Variants in KDM5A observed in about 807,000 individuals in gnomAD.
KDM5A encodes the protein lysine-specific demethylase 5A.
Under a neutral mutation model 193.5 loss-of-function variants are expected in KDM5A, and 42 were observed. The ratio of observed to expected loss-of-function variants is 0.22; its 90% CI spans 0.17 to 0.28. KDM5A has a LOEUF of 0.28. KDM5A is among the 10% of genes least tolerant of loss of function. The pLI is 1.00. For missense variants in KDM5A, 1,692 were observed against 2,055.1 expected (o/e 0.82, Z 3.42); for synonymous variants, 796 against 718.1 (o/e 1.11, Z -1.73).
intron 27 of KDM5A, among the ~76,000 whole-genome samples, chr12:290,848 A>T (rs184367829): frequency 3.3e-5 from 5 of 152,214 alleles, no homozygotes; most frequent in African/African-American, 1.2e-4. Context: ...GAGTATAAAA[A>T]TAAGACGAAA....
chr12:329,157 G>A (rs932178817), intron 13 of KDM5A, 128 bp from the exon 14 acceptor site: 2 of 781,230 alleles, frequency 2.6e-6, no homozygotes, highest in Admixed American at 4.1e-5. Flanking sequence ...TAAATATAAA[G>A]AGGCAATATT....
chr12:340,714 A>AAAAAAC (rs1943994265), intron 10 of KDM5A, among the ~76,000 whole-genome samples: 1 of 151,556 alleles, frequency 6.6e-6, no homozygotes, highest in Non-Finnish European at 1.5e-5. Flanking sequence ...AAAAAAAAAA[A>AAAAAAC]AAAAACCATT....
At position 312,966 on chromosome 12, in the gene KDM5A, TTATTC is replaced by T. The variant is rs1943607388; in HGVS notation, c.3036+85_3036+89del. On this transcript the variant is annotated intron_variant, in intron 20 of 27. Coordinates refer to ENST00000399788, the MANE Select transcript of KDM5A (RefSeq NM_001042603.3). Reference sequence around the variant, plus strand: ...AAGTTAGGGATCGTTTGTATTATGATTATTCTATTCTAAAGAATTAATAGTTTAAA... The same window carrying T: ...AAGTTAGGGATCGTTTGTATTATGATTATTCTAAAGAATTAATAGTTTAAA... 11 of 1,369,192 alleles carry T rather than the reference TTATTC, an allele frequency of 8.0e-6. No homozygotes were observed. In the South Asian group the frequency reaches 8.3e-5, roughly 10 times the overall value. The allele number at this position is 1,369,192 out of a possible 1,614,324, so 84.8% of individuals were successfully genotyped here.
Position 283,120 on chromosome 12 carries a change from T to G in KDM5A, c.*2336A>C. 4.3e-6 allele frequency: 1 copy of G among 231,138 alleles called. No individual in the cohort carries two copies. Among genetic ancestry groups the G allele is most frequent in the Non-Finnish European group, 8.6e-6 (1 of 116,752 alleles). 14.3% of individuals were successfully genotyped at this position (231,138 alleles called of 1,614,324 possible). ...TGACTCTCCACTGATAGTGGAATAG[T>G]TAATGGATGATTAGGAAGGAAAAAT... On this transcript the variant is annotated 3_prime_UTR_variant, in exon 28 of 28. Coordinates refer to ENST00000399788, the MANE Select transcript of KDM5A (RefSeq NM_001042603.3).
At chr12:357,873 C>T (rs1362456647) in intron 5 of KDM5A, among the ~76,000 whole-genome samples, 1 of 146,040 alleles carries the variant, frequency 6.8e-6, no homozygotes, top group African/African-American at 2.6e-5. Flanking sequence ...GCCCCAATTC[C>T]CTTCCTTCCT....
chr12:371,952 G>T (rs951224746), intron 3 of KDM5A, among the ~76,000 whole-genome samples: 1 of 152,108 alleles, frequency 6.6e-6, no homozygotes. Flanking sequence ...TGTTCCATTG[G>T]TCTCTATCTC....
chr12:379,310 T>C (rs143583538), intron 3 of KDM5A, among the ~76,000 whole-genome samples: 2,419 of 152,270 alleles, frequency 0.016, 25 homozygotes, highest in Non-Finnish European at 0.023. Context: ...CTTGCTAGAA[T>C]AAAATGTCAT....
rs1199820780 is a variant in KDM5A at position 282,956 on chromosome 12, C to T, written c.*2500G>A. The T allele has an allele frequency of 4.3e-6, 1 of 231,682 alleles. No homozygotes were observed. 14.4% of individuals were successfully genotyped at this position (231,682 alleles called of 1,614,324 possible). A position where few individuals can be genotyped will look rare whatever the true frequency, so the allele number is the denominator to read the frequency against. On this transcript the variant is annotated 3_prime_UTR_variant, in exon 28 of 28. Transcript: ENST00000399788. ...CTGTTCTTCTCAGCCTTGGTCTAAA[C>T]CTGTGGTCAAGTCATACCAAATCCT...
intron 14 of KDM5A, among the ~76,000 whole-genome samples, chr12:327,664 T>C (rs781175281): frequency 3.9e-5 from 6 of 152,026 alleles, no homozygotes; most frequent in Non-Finnish European, 8.8e-5. Flanking sequence ...GCCAAGATCG[T>C]GCCACTGCAC....
Position 387,125 on chromosome 12 carries a change from C to G in KDM5A, c.166-1151G>C, listed in dbSNP as rs920907331. The G allele has an allele frequency of 1.4e-4, 30 of 213,956 alleles. No individual in the cohort carries two copies. The Admixed American group carries it at 1.5e-3, about 10-fold the overall frequency. The allele number at this position is 213,956 out of a possible 1,614,324, so 13.3% of individuals were successfully genotyped here. ...GGACAATTTCCAGACTGTGATATAA[C>G]TAAAATTAGATAGCATATTTCAAGT... On this transcript the variant is annotated intron_variant, in intron 1 of 27. Coordinates refer to ENST00000399788, the MANE Select transcript of KDM5A (RefSeq NM_001042603.3).
intron 14 of KDM5A, among the ~76,000 whole-genome samples, chr12:328,085 ATATTCAT>A (rs909730329): frequency 6.6e-6 from 1 of 152,204 alleles, no homozygotes; most frequent in African/African-American, 2.4e-5. Context: ...GGTGATAGAT[ATATTCAT>A]TATCTTGACT....
At position 293,138 on chromosome 12, in the gene KDM5A, A is replaced by G. The variant is rs753191754; in HGVS notation, c.4487T>C (p.Val1496Ala). 1 of 1,609,566 alleles carries G rather than the reference A, an allele frequency of 6.2e-7. No individual in the cohort carries two copies. The highest frequency in any genetic ancestry group is 8.5e-7 in the Non-Finnish European group (1 of 1,178,996). Residue 1496 changes from valine (V) to alanine (A), a missense_variant, in exon 27 of 28, where the codon GTG (valine) becomes GCG (alanine). Transcript: ENST00000399788. ...DDSMEEKPLK[V>A]KGKDSSEKKR... ...CTTCTCTGAAGAGTCCTTTCCTTTC[A>G]CTTTTAGTGGTTTCTCTTCCATGCT...
intron 3 of KDM5A, among the ~76,000 whole-genome samples, chr12:367,909 T>A (rs1944377686): frequency 6.6e-6 from 1 of 151,852 alleles, no homozygotes; most frequent in Admixed American, 6.6e-5. Flanking sequence ...AATTACCATA[T>A]GATGCTGCAA....
intron 26 of KDM5A, 146 bp downstream of exon 26, chr12:295,427 A>G (rs1943358224): frequency 2.6e-6 from 2 of 768,710 alleles, no homozygotes; most frequent in Non-Finnish European, 4.6e-6. Flanking sequence ...AGCAAGCCAT[A>G]AAGCCCAATT....
rs1348581324 is a variant in KDM5A, at chr12:282,345, T to C, written c.*3111A>G. On this transcript the variant is annotated 3_prime_UTR_variant, in exon 28 of 28. Coordinates refer to ENST00000399788, the MANE Select transcript of KDM5A (RefSeq NM_001042603.3). ...ATTATGGGTAATCACAGGTTTAATGTTTGCCGTTTCCATTATTCAAGGTAT... is the reference window on the plus strand; with the variant it reads ...ATTATGGGTAATCACAGGTTTAATGCTTGCCGTTTCCATTATTCAAGGTAT... 4.3e-6 allele frequency: 1 copy of C among 233,258 alleles called. No homozygotes were observed. Among genetic ancestry groups the C allele is most frequent in the Non-Finnish European group, 8.5e-6 (1 of 118,102 alleles). 14.4% of individuals were successfully genotyped at this position (233,258 alleles called of 1,614,324 possible).
At chr12:336,340 A>C (rs1943933030) in intron 10 of KDM5A, among the ~76,000 whole-genome samples, 1 of 147,296 alleles carries the variant, frequency 6.8e-6, no homozygotes, top group Admixed American at 6.9e-5. Context: ...TGAAAGACAG[A>C]GTGAGACCCT....
At chr12:308,536 T>C (rs779709064) in intron 22 of KDM5A, among the ~76,000 whole-genome samples, 10 of 152,348 alleles carry the variant, frequency 6.6e-5, no homozygotes, top group African/African-American at 2.4e-4. Flanking sequence ...AGCCTCTTCA[T>C]GTATAAGTAG....
chr12:333,563 A>G lies in KDM5A; in HGVS notation c.1577T>C (p.Phe526Ser). ...ATGCAGAAGATCAGGCTGGGATTCAAATAACTCGGGGGCCAGCTCTCTCAT... is the reference window on the plus strand; with the variant it reads ...ATGCAGAAGATCAGGCTGGGATTCAGATAACTCGGGGGCCAGCTCTCTCAT... ...EVMRELAPEL[F>S]ESQPDLLHQL... is the part of the protein sequence containing the mutation. Residue 526 changes from phenylalanine (F) to serine (S), a missense_variant, in exon 12 of 28, where the codon TTT becomes TCT. Coordinates refer to ENST00000399788, the MANE Select transcript of KDM5A (RefSeq NM_001042603.3). 6.2e-7 allele frequency: 1 copy of G among 1,614,218 alleles called. No homozygotes were observed.
rs1465242165 is a variant in KDM5A, at chr12:310,910, T to G, written c.3191A>C (p.Lys1064Thr). 5 of 1,614,124 alleles carry G rather than the reference T, an allele frequency of 3.1e-6. No individual in the cohort carries two copies. The Admixed American group carries it at 8.3e-5, about 27-fold the overall frequency. ...CTGTAACAATGTATGGCTAGAATTC[T>G]TCTTAAGAAACGTCCGCCCAGTCCG... ...RERTGRTFLK[K>T]NSSHTLLQVL... Residue 1064 changes from lysine to threonine, a missense_variant, in exon 21 of 28, where the codon AAG becomes ACG. Transcript: ENST00000399788.
Sources: gnomAD v4.1 joint callset for allele counts (sites outside exome capture counted in the v4.1 genomes callset) on GRCh38, gnomAD v4.1.1 for gene constraint, MANE v1.5 for transcripts, NCBI Gene and HGNC (gene_info 2026-07-23, HGNC 2026-07-21) for gene names.